PROS1: variants seen among roughly 807,000 people sequenced by gnomAD.
PROS1 encodes vitamin K-dependent protein S.
Under a neutral mutation model 75.9 loss-of-function variants are expected in PROS1, and 29 were observed. That is an observed-to-expected ratio of 0.38 (90% CI 0.28 to 0.52). PROS1 has a LOEUF of 0.52. PROS1 is among the 20% of genes least tolerant of loss of function. The pLI is 0.83. For synonymous variants in PROS1, 245 were observed against 280.6 expected (o/e 0.87, Z 1.27); for missense variants, 680 against 810.3 (o/e 0.84, Z 1.95).
At chr3:93,917,787 C>T (rs1427016100) in intron 3 of PROS1, among the ~76,000 whole-genome samples, 15 of 152,152 alleles carry the variant, frequency 9.9e-5, no homozygotes, top group Non-Finnish European at 1.9e-4. Flanking sequence ...ACTGGCGCTG[C>T]GCTTGATTTC....
chr3:93,940,823 A>G (rs1030942380), intron 1 of PROS1, among the ~76,000 whole-genome samples: 2 of 152,042 alleles, frequency 1.3e-5, no homozygotes, highest in Admixed American at 6.6e-5. Context: ...GGCTTCTAAA[A>G]CTTATAAACT....
intron 2 of PROS1, among the ~76,000 whole-genome samples, chr3:93,926,506 C>A (rs1353804257): frequency 1.3e-5 from 2 of 152,132 alleles, no homozygotes; most frequent in East Asian, 3.9e-4. Flanking sequence ...GTGGCATACG[C>A]CTCTAATCCC....
At chr3:93,906,387 C>A (rs1708676012) in intron 4 of PROS1, among the ~76,000 whole-genome samples, 1 of 152,226 alleles carries the variant, frequency 6.6e-6, no homozygotes, top group South Asian at 2.1e-4. Context: ...TGCCAAGACG[C>A]CAGCTGCAGT....
At chr3:93,903,920 T>C (rs1359754101) in intron 6 of PROS1, among the ~76,000 whole-genome samples, 2 of 150,840 alleles carry the variant, frequency 1.3e-5, no homozygotes, top group African/African-American at 2.4e-5. Flanking sequence ...ACCCACTAAC[T>C]CGTCATCTAG....
intron 1 of PROS1, among the ~76,000 whole-genome samples, chr3:93,929,282 A>T (rs1010680825): frequency 4.6e-5 from 7 of 152,172 alleles, no homozygotes; most frequent in Non-Finnish European, 1.0e-4. Context: ...GTTCAAGACC[A>T]GCCTGGATGA....
chr3:93,923,725 C>A (rs1351281746), intron 3 of PROS1, among the ~76,000 whole-genome samples: 1 of 152,000 alleles, frequency 6.6e-6, no homozygotes, highest in Non-Finnish European at 1.5e-5. Flanking sequence ...CATGGCGAAA[C>A]CCTGTCTCTA....
At chr3:93,943,789 C>T (rs1709333616) in intron 1 of PROS1, among the ~76,000 whole-genome samples, 1 of 152,118 alleles carries the variant, frequency 6.6e-6, no homozygotes, top group Non-Finnish European at 1.5e-5. Context: ...GTGAAAATGG[C>T]CTGTTCCTGC....
chr3:93,970,914 C>A (rs904504287), intron 1 of PROS1, among the ~76,000 whole-genome samples: 1 of 152,066 alleles, frequency 6.6e-6, no homozygotes, highest in Non-Finnish European at 1.5e-5. Flanking sequence ...GGGAGGATTC[C>A]TTGAGGCCAG....
At chr3:93,956,893 C>A (rs1239894587) in intron 1 of PROS1, among the ~76,000 whole-genome samples, 1 of 151,994 alleles carries the variant, frequency 6.6e-6, no homozygotes, top group African/African-American at 2.4e-5. Context: ...CCTTCAAAAG[C>A]ACGTTCCCAG....
chr3:93,945,822 G>A (rs1709384831), intron 1 of PROS1, among the ~76,000 whole-genome samples: 1 of 152,158 alleles, frequency 6.6e-6, no homozygotes, highest in Non-Finnish European at 1.5e-5. Context: ...AATTGGGCAG[G>A]AGAAGGAAAT....
At position 93,879,208 on chromosome 3, in the gene PROS1, C is replaced by T. The variant is rs1232149677; in HGVS notation, c.1599G>A (p.Val533=). 2.5e-6 allele frequency: 4 copies of T among 1,614,134 alleles called. No homozygotes were observed. Among genetic ancestry groups the T allele is most frequent in the Middle Eastern group, 1.6e-4 (1 of 6,062 alleles). Residue 533 remains valine, a synonymous_variant, in exon 13 of 15, where the codon GTG becomes GTA. Coordinates refer to ENST00000394236, the MANE Select transcript of PROS1 (RefSeq NM_000313.4). ...AGTCCACCAAGGACACAGCAAAGGG[C>T]ACTGTGTTGTTACCAGAAACCAAGG... ...MLALVSGNNT[V]PFAVSLVDST...
At chr3:93,907,459 A>G (rs1485558240) in intron 4 of PROS1, among the ~76,000 whole-genome samples, 1 of 152,098 alleles carries the variant, frequency 6.6e-6, no homozygotes, top group African/African-American at 2.4e-5. Context: ...TGCAGAGACA[A>G]TGGGATGACC....
chr3:93,888,605 C>A (rs1202072018), intron 10 of PROS1, among the ~76,000 whole-genome samples: 1 of 152,140 alleles, frequency 6.6e-6, no homozygotes, highest in African/African-American at 2.4e-5. Context: ...CTTAAAACCC[C>A]TCTTTATGCT....
At chr3:93,890,097 G>A (rs1467326175) in intron 10 of PROS1, among the ~76,000 whole-genome samples, 9 of 152,178 alleles carry the variant, frequency 5.9e-5, no homozygotes, top group East Asian at 3.9e-4. Context: ...ATAAATGGCC[G>A]CTCTGGCAGT....
At chr3:93,927,612 C>T (rs534678530) in intron 1 of PROS1, among the ~76,000 whole-genome samples, 23 of 151,830 alleles carry the variant, frequency 1.5e-4, no homozygotes, top group Non-Finnish European at 3.4e-4. Flanking sequence ...AGCTGCAGCC[C>T]TTGTATGATG....
intron 1 of PROS1, among the ~76,000 whole-genome samples, chr3:93,938,829 T>C (rs866918153): frequency 2.0e-5 from 3 of 152,064 alleles, no homozygotes; most frequent in Admixed American, 6.5e-5. Flanking sequence ...CCACACTCCA[T>C]TGTTGCCTGA....
chr3:93,932,252 A>T (rs1709117158), intron 1 of PROS1, among the ~76,000 whole-genome samples: 1 of 152,188 alleles, frequency 6.6e-6, no homozygotes, highest in South Asian at 2.1e-4. Context: ...GTAGATTAAA[A>T]TTTTCCGTTT....
intron 6 of PROS1, among the ~76,000 whole-genome samples, chr3:93,901,327 C>A (rs1425420035): frequency 6.6e-6 from 1 of 152,160 alleles, no homozygotes; most frequent in Non-Finnish European, 1.5e-5. Flanking sequence ...GAACAAACAT[C>A]TAATTAGTAC....
intron 1 of PROS1, among the ~76,000 whole-genome samples, chr3:93,942,575 G>A (rs1462515040): frequency 6.6e-6 from 1 of 152,042 alleles, no homozygotes; most frequent in African/African-American, 2.4e-5. Flanking sequence ...TTTCTCACTG[G>A]TCACTCCCAC....
Sources: gnomAD v4.1 joint callset for allele counts (sites outside exome capture counted in the v4.1 genomes callset) on GRCh38, gnomAD v4.1.1 for gene constraint, MANE v1.5 for transcripts, NCBI Gene and HGNC (gene_info 2026-07-23, HGNC 2026-07-21) for gene names.